The following RBAK variants were observed in gnomAD, a reference collection of about 807,000 sequenced individuals.
RBAK encodes the protein RB-associated KRAB zinc finger protein.
RBAK carries 39 observed loss-of-function variants against 65.8 expected under a neutral mutation model. The ratio of observed to expected loss-of-function variants is 0.59; its 90% CI spans 0.46 to 0.77. RBAK has a LOEUF of 0.77. Among genes scored for constraint, RBAK ranks in the 30% least tolerant of loss-of-function variants. The probability of loss-of-function intolerance (pLI) is 0.00; values close to 1 mark genes in which losing one functional copy is unlikely to be tolerated. For missense variants in RBAK, 884 were observed against 855.1 expected, an observed-to-expected ratio of 1.03 and a Z score of -0.42; for synonymous variants, 343 against 289.7, an observed-to-expected ratio of 1.18 and a Z score of -1.87.
At chr7:5,058,961 G>A (rs1178382851) in intron 4 of RBAK, among the ~76,000 whole-genome samples, 2 of 152,098 alleles carry the variant, frequency 1.3e-5, no homozygotes, top group African/African-American at 4.8e-5. Context: ...TATTTTACTT[G>A]ACAACATAGC....
intron 2 of RBAK, among the ~76,000 whole-genome samples, chr7:5,054,640 C>T (rs1162686683): frequency 6.6e-6 from 1 of 151,770 alleles, no homozygotes; most frequent in African/African-American, 2.4e-5. Flanking sequence ...TGCTATGTTG[C>T]CAAGGCTGGT....
At chr7:5,047,035 AT>A (rs1788003834) in intron 1 of RBAK, among the ~76,000 whole-genome samples, 1 of 152,160 alleles carries the variant, frequency 6.6e-6, no homozygotes, top group South Asian at 2.1e-4. Context: ...ATACACATTC[AT>A]TTCATTTCTG....
In RBAK at chr7:5,064,463, T is replaced by C; in HGVS notation, c.1007T>C (p.Leu336Pro). The C allele has an allele frequency of 6.2e-7, 1 of 1,613,854 alleles. No homozygotes were observed. Among genetic ancestry groups the C allele is most frequent in the Non-Finnish European group, 8.5e-7 (1 of 1,179,908 alleles). Residue 336 changes from leucine to proline, a missense_variant, in exon 5 of 5, where the codon CTA becomes CCA. Coordinates refer to ENST00000396912, the MANE Select transcript of RBAK (RefSeq NM_021163.4). This position sits in a 1 kb window ranked among gnomAD's most constrained non-coding sequence, Gnocchi z 6.3. Reference sequence around the variant, plus strand: ...CAGAAGTTACACCTCACTCAACACCTAAGAACTCATTCAGGAGAGAAACCC... The same window carrying C: ...CAGAAGTTACACCTCACTCAACACCCAAGAACTCATTCAGGAGAGAAACCC... The part of the protein sequence containing the change: ...FCQKLHLTQH[L>P]RTHSGEKPYE...
chr7:5,062,254 G>C (rs1415149952), intron 4 of RBAK, among the ~76,000 whole-genome samples: 1 of 152,144 alleles, frequency 6.6e-6, no homozygotes, highest in African/African-American at 2.4e-5. Flanking sequence ...AGTCACGTAG[G>C]TTCTTTTCTA....
At chr7:5,057,908 C>T (rs1033625349) in intron 4 of RBAK, 129 bp downstream of exon 4, 26 of 884,548 alleles carry the variant, frequency 2.9e-5, no homozygotes, top group Middle Eastern at 2.5e-4. Context: ...CTTTCCTTCC[C>T]GCACACATAC....
Position 5,069,131 on chromosome 7 carries a change from G to A in RBAK, c.*3530G>A, listed in dbSNP as rs1562544371. The A allele has an allele frequency of 6.6e-6, 1 of 152,194 alleles. No homozygotes were observed. Among genetic ancestry groups the A allele is most frequent in the Non-Finnish European group, 1.5e-5 (1 of 68,040 alleles). 9.4% of individuals were successfully genotyped at this position (152,194 alleles called of 1,614,324 possible). On this transcript the variant is annotated 3_prime_UTR_variant, in exon 5 of 5. Coordinates refer to ENST00000396912, the MANE Select transcript of RBAK (RefSeq NM_021163.4). Reference sequence around the variant, plus strand: ...TTAAGATATGTGTATTTTTCTGCATGTGTGTTAAACTTTCCATAAAAGTTT... The same window carrying A: ...TTAAGATATGTGTATTTTTCTGCATATGTGTTAAACTTTCCATAAAAGTTT...
intron 4 of RBAK, among the ~76,000 whole-genome samples, chr7:5,059,089 A>G (rs1779006297): frequency 6.6e-6 from 1 of 152,160 alleles, no homozygotes; most frequent in African/African-American, 2.4e-5. Flanking sequence ...TGATTGTGCT[A>G]GTCTTGTCTC....
At chr7:5,049,168 T>C (rs577951093) in intron 2 of RBAK, among the ~76,000 whole-genome samples, 4 of 152,362 alleles carry the variant, frequency 2.6e-5, no homozygotes, top group East Asian at 1.9e-4. Flanking sequence ...TGCGGATAGC[T>C]TTCCTAATAA....
At position 5,065,174 on chromosome 7, in the gene RBAK, G is replaced by T. The variant is rs758412354; in HGVS notation, c.1718G>T (p.Gly573Val). The change falls in exon 5 of 5, where the codon GGG becomes GTG. Residue 573 changes from glycine (G) to valine (V), a missense_variant. Physicochemically the swap from Gly to Val is moderately radical, Grantham distance 109. Coordinates refer to ENST00000396912, the MANE Select transcript of RBAK (RefSeq NM_021163.4). This position sits in a 1 kb window ranked among gnomAD's most constrained non-coding sequence, Gnocchi z 5.3. ...EEKPYGCSEC[G>V]KTFSHNSSLF... Reference sequence around the variant, plus strand: ...AAACCTTATGGATGTAGCGAATGTGGGAAAACCTTTTCCCATAATTCATCC... The same window carrying T: ...AAACCTTATGGATGTAGCGAATGTGTGAAAACCTTTTCCCATAATTCATCC... 5 of 1,613,608 alleles carry T rather than the reference G, an allele frequency of 3.1e-6. No individual in the cohort carries two copies. Among genetic ancestry groups the T allele is most frequent in the Non-Finnish European group, 4.2e-6 (5 of 1,179,854 alleles).
At position 5,057,696 on chromosome 7, in the gene RBAK, C is replaced by G. The variant is rs867944993; in HGVS notation, c.155C>G (p.Thr52Ser). ...SHLVSVGYDT[T>S]KPNVIIKLEQ... ...TTCCCATTAACAGGATATGATACCA[C>G]CAAGCCAAACGTCATCATTAAGTTG... Residue 52 changes from threonine to serine, a missense_variant, in exon 4 of 5, where the codon ACC becomes AGC. Physicochemically the swap from Thr to Ser is moderately conservative, Grantham distance 58. Transcript: ENST00000396912. 1.9e-6 allele frequency: 3 copies of G among 1,613,890 alleles called. No individual in the cohort carries two copies. Among genetic ancestry groups the G allele is most frequent in the Middle Eastern group, 1.7e-4 (1 of 6,056 alleles).
At chr7:5,052,766 T>C (rs1788144661) in intron 2 of RBAK, among the ~76,000 whole-genome samples, 1 of 151,974 alleles carries the variant, frequency 6.6e-6, no homozygotes, top group Non-Finnish European at 1.5e-5. Flanking sequence ...GATTGATTGA[T>C]TGATTGATTT....
Position 5,065,700 on chromosome 7 carries a change from G to T in RBAK, c.*99G>T. ...TATCTGAGAGTTCGTGTTCCTGAAC[G>T]GTGAGAAGCATTTAGGCATTAGAGT... On this transcript the variant is annotated 3_prime_UTR_variant, in exon 5 of 5. Coordinates refer to ENST00000396912, the MANE Select transcript of RBAK (RefSeq NM_021163.4). The surrounding 1 kb of genome is among the most constrained non-coding windows in gnomAD (Gnocchi z 5.3). 2 of 877,452 alleles carry T rather than the reference G, an allele frequency of 2.3e-6. No homozygotes were observed. Among genetic ancestry groups the T allele is most frequent in the Non-Finnish European group, 3.2e-6 (2 of 619,518 alleles). 54.4% of individuals were successfully genotyped at this position (877,452 alleles called of 1,614,324 possible).
At chr7:5,059,368 T>C (rs1166911393) in intron 4 of RBAK, among the ~76,000 whole-genome samples, 1 of 152,096 alleles carries the variant, frequency 6.6e-6, no homozygotes, top group African/African-American at 2.4e-5. Context: ...TCGCCCAGGC[T>C]GGAGTGCAAT....
rs766576133 is a variant in RBAK at position 5,065,581 on chromosome 7, C to T, written c.2125C>T (p.Leu709Phe). 2.0e-6 allele frequency: 3 copies of T among 1,523,464 alleles called. No individual in the cohort carries two copies. The highest frequency in any genetic ancestry group is 2.3e-5 in the East Asian group (1 of 44,016). The allele number at this position is 1,523,464 out of a possible 1,614,324, so 94.4% of individuals were successfully genotyped here. A position where few individuals can be genotyped will look rare whatever the true frequency, so the allele number is the denominator to read the frequency against. ...TCATAGAAGAGGAAATATGAACGTA[C>T]TTGATGTGGAAAATCTCTGAAGTCA... Reference protein sequence around the residue: ...RIHRRGNMNVLDVENL With the variant: ...RIHRRGNMNVFDVENL Residue 709 changes from leucine to phenylalanine, a missense_variant, in exon 5 of 5, where the codon CTT becomes TTT. Transcript: ENST00000396912. This position sits in a 1 kb window ranked among gnomAD's most constrained non-coding sequence, Gnocchi z 5.3.
intron 4 of RBAK, among the ~76,000 whole-genome samples, chr7:5,062,388 C>T (rs1779099545): frequency 6.6e-6 from 1 of 152,098 alleles, no homozygotes; most frequent in South Asian, 2.1e-4. Context: ...CCACAAGCTG[C>T]AAAACCAGCA....
intron 1 of RBAK, among the ~76,000 whole-genome samples, chr7:5,047,430 T>C (rs1417968822): frequency 1.3e-5 from 2 of 151,908 alleles, no homozygotes; most frequent in African/African-American, 2.4e-5. Context: ...AAACATGAGC[T>C]GTATAATGGG....
rs1423449069 is a variant in RBAK at position 5,068,358 on chromosome 7, A to G, written c.*2757A>G. On this transcript the variant is annotated 3_prime_UTR_variant, in exon 5 of 5. Coordinates refer to ENST00000396912, the MANE Select transcript of RBAK (RefSeq NM_021163.4). ...ATAGTTTTCTGGTCCCTGATCTCGA[A>G]TATGTAAAGAGCACCTACAAATCAA... 5 of 152,194 alleles carry G rather than the reference A, an allele frequency of 3.3e-5. No individual in the cohort carries two copies. The East Asian group carries it at 7.7e-4, about 23-fold the overall frequency. The allele number at this position is 152,194 out of a possible 1,614,324, so 9.4% of individuals were successfully genotyped here. A position where few individuals can be genotyped will look rare whatever the true frequency, so the allele number is the denominator to read the frequency against.
At chr7:5,063,258 G>A (rs770708399) in intron 4 of RBAK, among the ~76,000 whole-genome samples, 69 of 152,282 alleles carry the variant, frequency 4.5e-4, no homozygotes, top group African/African-American at 1.2e-3. Context: ...CAGTCCCTCC[G>A]TTTGGGGTCC....
rs1303967402 is a variant in RBAK at position 5,064,779 on chromosome 7, G to A, written c.1323G>A (p.Val441=). 2.5e-6 allele frequency: 4 copies of A among 1,613,928 alleles called. No homozygotes were observed. Among genetic ancestry groups the A allele is most frequent in the Non-Finnish European group, 1.7e-6 (2 of 1,179,908 alleles). The part of the protein sequence containing the change: ...CSECGKFFSR[V]SYLTIHYRSH... ...AGTGTGGGAAATTCTTTTCTCGGGT[G>A]TCATACCTCACTATACATTATAGAA... Residue 441 remains valine (V), a synonymous_variant, in exon 5 of 5, where the codon GTG becomes GTA. Coordinates refer to ENST00000396912, the MANE Select transcript of RBAK (RefSeq NM_021163.4). The surrounding 1 kb of genome is among the most constrained non-coding windows in gnomAD (Gnocchi z 6.3).
Sources: allele counts gnomAD v4.1 joint callset (sites outside exome capture counted in the v4.1 genomes callset), GRCh38; gene constraint gnomAD v4.1.1; non-coding constraint Gnocchi (gnomAD v3.1); transcripts MANE v1.5; gene names NCBI Gene and HGNC (gene_info 2026-07-23, HGNC 2026-07-21).